The following RASA2 variants were observed in gnomAD, a reference collection of about 807,000 sequenced individuals.
RASA2 encodes ras GTPase-activating protein 2.
A neutral mutation model predicts 118.2 loss-of-function variants in RASA2; 155 were observed. The ratio of observed to expected loss-of-function variants is 1.31; its 90% confidence interval spans 1.15 to 1.50. The LOEUF (loss-of-function observed/expected upper bound fraction) is 1.50. RASA2 is among the 40% of genes most tolerant of loss of function. The pLI is 0.00. For missense variants in RASA2, 1,016 were observed against 1,009.6 expected (o/e 1.01, Z -0.09); for synonymous variants, 353 against 349.1 (o/e 1.01, Z -0.12).
intron 1 of RASA2, among the ~76,000 whole-genome samples, chr3:141,508,558 T>C (rs1183436851): frequency 1.3e-5 from 2 of 152,062 alleles, no homozygotes; most frequent in Non-Finnish European, 2.9e-5. Context: ...TTTGTATTTT[T>C]AGTAGAGATG....
chr3:141,532,245 ATCTG>A (rs1207876593), intron 4 of RASA2, among the ~76,000 whole-genome samples: 1 of 152,112 alleles, frequency 6.6e-6, no homozygotes, highest in African/African-American at 2.4e-5. Flanking sequence ...TCCAAAAGAG[ATCTG>A]TCTGATTCTA....
intron 1 of RASA2, among the ~76,000 whole-genome samples, chr3:141,504,017 A>G (rs2081825546): frequency 6.6e-6 from 1 of 152,174 alleles, no homozygotes; most frequent in Admixed American, 6.5e-5. Context: ...TTTTTTGCCC[A>G]TGCCAAAGTT....
At position 141,543,876 on chromosome 3, in the gene RASA2, C is replaced by CTTTT. The variant is rs529631210; in HGVS notation, c.527+3281_527+3284dup. ...TTTTTTCTTTCTTTCTTTCTTTTTT[C>CTTTT]TTTTTTTTTTTTTTTTTGATATGGA... On this transcript the variant is annotated intron_variant, in intron 5 of 23. Transcript: ENST00000286364. Among the ~76,000 whole-genome samples, 117 of 117,306 alleles carry CTTTT rather than the reference C, an allele frequency of 1.0e-3. 3 individuals are homozygous for CTTTT. The highest frequency in any genetic ancestry group is 3.5e-3 in the African/African-American group (108 of 30,702). The allele number at this position is 117,306 out of a possible 152,430, so 77.0% of individuals were successfully genotyped here.
intron 19 of RASA2, among the ~76,000 whole-genome samples, chr3:141,602,540 T>C (rs562179578): frequency 6.6e-6 from 1 of 152,314 alleles, no homozygotes; most frequent in Non-Finnish European, 1.5e-5. Flanking sequence ...GGTCCAGATT[T>C]TGGGGACCCC....
intron 9 of RASA2, among the ~76,000 whole-genome samples, chr3:141,560,595 C>T (rs913218218): frequency 3.9e-5 from 6 of 152,126 alleles, no homozygotes; most frequent in Non-Finnish European, 8.8e-5. Flanking sequence ...TAACATTACA[C>T]TGATGTTAAA....
At chr3:141,593,121 C>G (rs973829652) in intron 19 of RASA2, among the ~76,000 whole-genome samples, 1 of 152,150 alleles carries the variant, frequency 6.6e-6, no homozygotes, top group East Asian at 1.9e-4. Context: ...AATCTCAGCT[C>G]ACTGCAACCT....
intron 9 of RASA2, among the ~76,000 whole-genome samples, chr3:141,562,673 A>G (rs1183016025): frequency 6.8e-6 from 1 of 147,716 alleles, no homozygotes; most frequent in Non-Finnish European, 1.5e-5. Flanking sequence ...ACCAGAAATA[A>G]CGTTAAACTT....
At chr3:141,586,128 A>G in intron 18 of RASA2, 30 bp downstream of exon 18, 2 of 1,529,576 alleles carry the variant, frequency 1.3e-6, no homozygotes, top group Non-Finnish European at 1.8e-6. Flanking sequence ...CGTGAAAGTC[A>G]TATATCAGTA....
intron 4 of RASA2, among the ~76,000 whole-genome samples, chr3:141,535,859 T>A (rs545936895): frequency 1.3e-5 from 2 of 152,200 alleles, no homozygotes; most frequent in South Asian, 2.1e-4. Context: ...AGGCCCCACC[T>A]CCAACACTGG....
At chr3:141,571,189 CAT>C (rs1405557200) in intron 10 of RASA2, 121 bp downstream of exon 10, 7 of 1,103,966 alleles carry the variant, frequency 6.3e-6, no homozygotes, top group Non-Finnish European at 8.9e-6. Context: ...TATATACATA[CAT>C]ATATATACAC....
At position 141,516,315 on chromosome 3, in the gene RASA2, C is replaced by A; in HGVS notation, c.252-13C>A. ...ATATTATTTGAAGTAATGAGCTTTC[C>A]TTTTCTTTCTAGCCCATTTTTCAGT... On this transcript the variant is annotated splice_polypyrimidine_tract_variant and intron_variant, in intron 2 of 23. Coordinates refer to ENST00000286364, the MANE Select transcript of RASA2 (RefSeq NM_006506.5). The A allele has an allele frequency of 6.6e-7, 1 of 1,524,292 alleles. No individual in the cohort carries two copies. 94.4% of individuals were successfully genotyped at this position (1,524,292 alleles called of 1,614,324 possible). A position where few individuals can be genotyped will look rare whatever the true frequency, so the allele number is the denominator to read the frequency against.
chr3:141,588,109 C>T (rs996459449), intron 19 of RASA2, among the ~76,000 whole-genome samples: 4 of 152,136 alleles, frequency 2.6e-5, no homozygotes, highest in African/African-American at 9.7e-5. Flanking sequence ...GTAATTCAAG[C>T]ACAAAATCCT....
intron 9 of RASA2, among the ~76,000 whole-genome samples, chr3:141,566,661 A>G (rs753632357): frequency 6.6e-6 from 1 of 152,230 alleles, no homozygotes; most frequent in Non-Finnish European, 1.5e-5. Flanking sequence ...ATAATAATGC[A>G]GGAACAGGAT....
intron 23 of RASA2, among the ~76,000 whole-genome samples, chr3:141,610,466 AT>A (rs1232183947): frequency 1.8e-5 from 2 of 110,370 alleles, no homozygotes; most frequent in African/African-American, 8.9e-5. Context: ...ATATTTATAT[AT>A]TATATATATA....
chr3:141,515,530 G>A (rs1560000637), intron 2 of RASA2, among the ~76,000 whole-genome samples: 3 of 152,112 alleles, frequency 2.0e-5, no homozygotes, highest in Admixed American at 1.3e-4. Flanking sequence ...TTGAAATTTA[G>A]CATTGAGAAT....
intron 1 of RASA2, among the ~76,000 whole-genome samples, chr3:141,492,437 T>C (rs2081650109): frequency 6.6e-6 from 1 of 152,226 alleles, no homozygotes; most frequent in Non-Finnish European, 1.5e-5. Context: ...TTTAGGTTTG[T>C]ATGTAATTTT....
chr3:141,599,427 A>G (rs56041278), intron 19 of RASA2, among the ~76,000 whole-genome samples: 14 of 152,178 alleles, frequency 9.2e-5, no homozygotes, highest in Non-Finnish European at 1.9e-4. Context: ...ACAGATCTGC[A>G]TAGAAAAGTA....
chr3:141,587,566 T>C (rs995313363), intron 19 of RASA2, among the ~76,000 whole-genome samples: 2 of 151,908 alleles, frequency 1.3e-5, no homozygotes, highest in African/African-American at 2.4e-5. Flanking sequence ...ACAAAAAAAT[T>C]AGCTGGGCAT....
chr3:141,559,980 C>G lies in RASA2; in HGVS notation c.848C>G (p.Ser283Cys). 6.2e-7 allele frequency: 1 copy of G among 1,612,714 alleles called. No homozygotes were observed. The highest frequency in any genetic ancestry group is 8.5e-7 in the Non-Finnish European group (1 of 1,178,960). Residue 283 changes from serine (S) to cysteine (C), a missense_variant, in exon 9 of 24, where the codon TCC (serine) becomes TGC (cysteine). Coordinates refer to ENST00000286364, the MANE Select transcript of RASA2 (RefSeq NM_006506.5). ...KVPVNVLRTD[S>C]SHQAWYLLQP... ...CCTGTGAACGTATTAAGAACTGATT[C>G]CTCTCATCAAGCCTGGTAAGGGCCC...
Sources: allele counts gnomAD v4.1 joint callset (sites outside exome capture counted in the v4.1 genomes callset), GRCh38; gene constraint gnomAD v4.1.1; transcripts MANE v1.5; gene names NCBI Gene and HGNC (gene_info 2026-07-23, HGNC 2026-07-21).